Variants in TRAPPC9 observed in about 807,000 individuals in gnomAD.
TRAPPC9 encodes the protein trafficking protein particle complex subunit 9, also known as IKK2 binding protein.
A neutral mutation model predicts 124.0 loss-of-function variants in TRAPPC9; 83 were observed. The observed-to-expected ratio is 0.67, with a 90% CI of 0.56 to 0.80. The LOEUF (loss-of-function observed/expected upper bound fraction) is 0.80. Among genes scored for constraint, TRAPPC9 ranks in the 30% least tolerant of loss-of-function variants. The probability of loss-of-function intolerance (pLI) is 0.00; values close to 1 mark genes in which losing one functional copy is unlikely to be tolerated. For missense variants in TRAPPC9, 1,302 were observed against 1,508.3 expected (o/e 0.86, Z 2.27); for synonymous variants, 638 against 617.5 (o/e 1.03, Z -0.49).
chr8:140,395,030 C>T (rs1188804266), intron 7 of TRAPPC9, among the ~76,000 whole-genome samples: 3 of 152,166 alleles, frequency 2.0e-5, no homozygotes, highest in Non-Finnish European at 4.4e-5. Context: ...CTGGGGAGAA[C>T]ACCTCCCCTT....
chr8:140,428,535 C>T (rs2070507950), intron 4 of TRAPPC9, among the ~76,000 whole-genome samples: 1 of 152,114 alleles, frequency 6.6e-6, no homozygotes, highest in Admixed American at 6.6e-5. Context: ...CAGCAGGATC[C>T]TGACACCTGA....
At chr8:139,884,591 G>C (rs754779701) in intron 21 of TRAPPC9, among the ~76,000 whole-genome samples, 1 of 152,194 alleles carries the variant, frequency 6.6e-6, no homozygotes, top group Non-Finnish European at 1.5e-5. Flanking sequence ...TCACGGCCAG[G>C]GGGGCCCAGA....
rs200094848 is a variant in TRAPPC9 at position 140,427,383 on chromosome 8, A to T, written c.860-742T>A. 2.3e-3 allele frequency among the ~76,000 whole-genome samples: 246 copies of T among 106,002 alleles called. 1 individual carries two copies. The highest frequency in any genetic ancestry group is 6.5e-3 in the African/African-American group (239 of 36,912). 69.5% of individuals were successfully genotyped at this position (106,002 alleles called of 152,430 possible). On this transcript the variant is annotated intron_variant, in intron 4 of 22. Coordinates refer to ENST00000438773, the MANE Select transcript of TRAPPC9 (RefSeq NM_001160372.4). ...CTCTATATATATATCTCTCTCTCACACACACACACACACACACACACATAC... is the reference window on the plus strand; with the variant it reads ...CTCTATATATATATCTCTCTCTCACTCACACACACACACACACACACATAC...
At chr8:139,784,443 G>T (rs138199214) in intron 21 of TRAPPC9, among the ~76,000 whole-genome samples, 1 of 151,768 alleles carries the variant, frequency 6.6e-6, no homozygotes, top group Non-Finnish European at 1.5e-5. Context: ...GTATGGTGGC[G>T]GGCACCTGTA....
chr8:139,890,961 C>G (rs976781628), intron 20 of TRAPPC9, among the ~76,000 whole-genome samples: 1 of 152,162 alleles, frequency 6.6e-6, no homozygotes, highest in African/African-American at 2.4e-5. Flanking sequence ...ATTAGGCCAC[C>G]TGCTTTCACT....
rs773570708 is a variant in TRAPPC9, at chr8:139,731,938, T to A, written c.3279+41A>T. 3 of 1,539,134 alleles carry A rather than the reference T, an allele frequency of 1.9e-6. No individual in the cohort carries two copies. The African/African-American group carries it at 4.1e-5, about 21-fold the overall frequency. On this transcript the variant is annotated intron_variant, in intron 22 of 22. Coordinates refer to ENST00000438773, the MANE Select transcript of TRAPPC9 (RefSeq NM_001160372.4). ...CAGGGAAGGGGGGATGATGACCACA[T>A]GGCCAGAGGCTCCCAGACCGCCTTG... is the stretch of plus-strand genomic sequence containing the variant.
intron 16 of TRAPPC9, among the ~76,000 whole-genome samples, chr8:140,228,668 T>C (rs2063509226): frequency 6.6e-6 from 1 of 152,206 alleles, no homozygotes; most frequent in African/African-American, 2.4e-5. Context: ...TACAGGAGGC[T>C]GTAACTACCA....
Position 140,127,952 on chromosome 8 carries a change from G to A in TRAPPC9, c.2556+93507C>T, listed in dbSNP as rs551207397. On this transcript the variant is annotated intron_variant, in intron 17 of 22. Coordinates refer to ENST00000438773, the MANE Select transcript of TRAPPC9 (RefSeq NM_001160372.4). ...ATAAATTCACCTGTATTAAGAAAGTGTAAGCAGTGTGGTGGCTTTTGCAGG... is the reference window on the plus strand; with the variant it reads ...ATAAATTCACCTGTATTAAGAAAGTATAAGCAGTGTGGTGGCTTTTGCAGG... 7.3e-4 allele frequency among the ~76,000 whole-genome samples: 111 copies of A among 152,366 alleles called. 1 individual carries two copies. The highest frequency in any genetic ancestry group is 2.5e-3 in the African/African-American group (105 of 41,592).
At chr8:139,745,748 G>A (rs1265898061) in intron 21 of TRAPPC9, among the ~76,000 whole-genome samples, 2 of 152,218 alleles carry the variant, frequency 1.3e-5, no homozygotes, top group Non-Finnish European at 2.9e-5. Context: ...TGGATGGAGC[G>A]GGCAGTTGGG....
At chr8:140,442,903 G>A (rs1313019358) in intron 2 of TRAPPC9, among the ~76,000 whole-genome samples, 1 of 151,998 alleles carries the variant, frequency 6.6e-6, no homozygotes, top group African/African-American at 2.4e-5. Context: ...GGGAGGCCGA[G>A]GCAGGCGGAT....
chr8:140,236,284 T>C (rs1441415889), intron 16 of TRAPPC9, among the ~76,000 whole-genome samples: 2 of 152,176 alleles, frequency 1.3e-5, no homozygotes, highest in Non-Finnish European at 2.9e-5. Context: ...GGATTCACCA[T>C]GTTGGCCAGG....
intron 5 of TRAPPC9, among the ~76,000 whole-genome samples, chr8:140,411,167 A>G (rs2069694103): frequency 6.6e-6 from 1 of 152,192 alleles, no homozygotes; most frequent in Non-Finnish European, 1.5e-5. Flanking sequence ...TGAACTTGAC[A>G]TAACAGTAGA....
chr8:139,836,161 G>A (rs918320504), intron 21 of TRAPPC9, among the ~76,000 whole-genome samples: 27 of 151,942 alleles, frequency 1.8e-4, no homozygotes, highest in African/African-American at 5.6e-4. Flanking sequence ...GGCACCCACC[G>A]CCACACCTGG....
intron 18 of TRAPPC9, among the ~76,000 whole-genome samples, chr8:140,018,324 ATT>A (rs1554608008): frequency 5.0e-5 from 6 of 119,778 alleles, no homozygotes; most frequent in Admixed American, 9.1e-5. Flanking sequence ...AACGTAAGTG[ATT>A]TTTTTTTTTT....
chr8:140,404,892 A>C (rs75870500), intron 6 of TRAPPC9, among the ~76,000 whole-genome samples: 1 of 57,130 alleles, frequency 1.8e-5, no homozygotes. Flanking sequence ...GCATGTGTGC[A>C]CGTGTGTGTG....
chr8:139,872,159 A>G (rs1308152706), intron 21 of TRAPPC9, among the ~76,000 whole-genome samples: 1 of 121,172 alleles, frequency 8.3e-6, no homozygotes, highest in African/African-American at 3.3e-5. Flanking sequence ...TGGTTGGATG[A>G]GTGGATGGAT....
At position 140,272,120 on chromosome 8, in the gene TRAPPC9, G is replaced by A. The variant is rs73366958; in HGVS notation, c.2278+3538C>T. ...TGAGGTGATTGTGGTGGTGGCAATG[G>A]TGATGGTGGCGATGGTGATGGTGAT... On this transcript the variant is annotated intron_variant, in intron 15 of 22. Transcript: ENST00000438773. 1.4e-3 allele frequency among the ~76,000 whole-genome samples: 178 copies of A among 126,360 alleles called. 1 individual carries two copies. The highest frequency in any genetic ancestry group is 2.0e-3 in the African/African-American group (65 of 32,330). 82.9% of individuals were successfully genotyped at this position (126,360 alleles called of 152,430 possible). A position where few individuals can be genotyped will look rare whatever the true frequency, so the allele number is the denominator to read the frequency against.
In TRAPPC9 at chr8:140,404,318, G is replaced by T. The variant is rs185856553; in HGVS notation, c.1008+1259C>A. Among the ~76,000 whole-genome samples, 444 of 152,066 alleles carry T rather than the reference G, an allele frequency of 2.9e-3. 2 individuals are homozygous for T. The highest frequency in any genetic ancestry group is 0.01 in the African/African-American group (430 of 41,486). On this transcript the variant is annotated intron_variant, in intron 6 of 22. Coordinates refer to ENST00000438773, the MANE Select transcript of TRAPPC9 (RefSeq NM_001160372.4). ...CAGTAAAGCATTTTTTCTAATTCAC[G>T]GTGAAAAAGTGAGAAAGCCTAAGTA...
intron 20 of TRAPPC9, among the ~76,000 whole-genome samples, chr8:139,899,331 G>A (rs1024532258): frequency 3.3e-5 from 5 of 151,908 alleles, no homozygotes; most frequent in South Asian, 4.2e-4. Flanking sequence ...AAATTAACAC[G>A]TATTTTGCAT....
Sources: allele counts gnomAD v4.1 joint callset (sites outside exome capture counted in the v4.1 genomes callset), GRCh38; gene constraint gnomAD v4.1.1; transcripts MANE v1.5; gene names NCBI Gene and HGNC (gene_info 2026-07-23, HGNC 2026-07-21).